Variants in ZSCAN5C observed in about 807,000 individuals in gnomAD.
The protein encoded by ZSCAN5C is zinc finger and SCAN domain-containing protein 5C.
Under a neutral mutation model 17.3 loss-of-function variants are expected in ZSCAN5C, and 11 were observed. The observed-to-expected ratio is 0.64, with a 90% CI of 0.40 to 1.06. The LOEUF (loss-of-function observed/expected upper bound fraction) is 1.06. Ranked by LOEUF, ZSCAN5C falls within the 50% of genes least tolerant of loss-of-function variation. ZSCAN5C has a pLI of 0.00. For missense variants in ZSCAN5C, 698 were observed against 538.9 expected (o/e 1.30, Z -2.92); for synonymous variants, 229 against 208.4 (o/e 1.10, Z -0.85).
chr19:56,205,398 C>A (rs2032909785), intron 1 of ZSCAN5C, among the ~76,000 whole-genome samples: 1 of 151,828 alleles, frequency 6.6e-6, no homozygotes, highest in South Asian at 2.1e-4. Context: ...TGTCTTATTG[C>A]ATAATTATGA....
chr19:56,203,417 T>C (rs1327302050), intron 1 of ZSCAN5C, among the ~76,000 whole-genome samples: 1 of 151,956 alleles, frequency 6.6e-6, no homozygotes, highest in African/African-American at 2.4e-5. Context: ...CCTTACTTTA[T>C]GGACTAATCA....
At chr19:56,205,155 C>A (rs780659929) in intron 1 of ZSCAN5C, among the ~76,000 whole-genome samples, 1 of 151,776 alleles carries the variant, frequency 6.6e-6, no homozygotes, top group African/African-American at 2.4e-5. Context: ...AGAAACTAGA[C>A]AGTGGTAATG....
At chr19:56,208,230 T>C in intron 4 of ZSCAN5C, 46 bp downstream of exon 4, 1 of 728,018 alleles carries the variant, frequency 1.4e-6, no homozygotes, top group Non-Finnish European at 2.5e-6. Context: ...CCCTCTCTTC[T>C]GGGGTGTGGG....
intron 3 of ZSCAN5C, 148 bp from the exon 4 acceptor site, chr19:56,207,886 C>T (rs1057427713): frequency 4.5e-5 from 27 of 598,596 alleles, no homozygotes; most frequent in Non-Finnish European, 6.2e-5. Context: ...GCTGGCACAG[C>T]GGGGAGAAAT....
In ZSCAN5C at chr19:56,205,825, C is replaced by T. The variant is rs28712522; in HGVS notation, c.-89C>T. The T allele has an allele frequency of 0.07, 43,244 of 620,034 alleles. 2,363 individuals carry two copies. Among genetic ancestry groups the T allele is most frequent in the East Asian group, 0.22 (8,242 of 37,782 alleles). 38.4% of individuals were successfully genotyped at this position (620,034 alleles called of 1,614,324 possible). A position where few individuals can be genotyped will look rare whatever the true frequency, so the allele number is the denominator to read the frequency against. On this transcript the variant is annotated 5_prime_UTR_variant, in exon 2 of 5. It introduces an in-frame stop codon into an upstream open reading frame of the 5' UTR. Transcript: ENST00000534327. ...CAGTGAATCTATTACTGAGAAAAAC[C>T]AGGGGTGGCCTGTGTATATAGGTCG... is the stretch of plus-strand genomic sequence containing the variant.
At chr19:56,207,742 G>T (rs2032939965) in intron 3 of ZSCAN5C, among the ~76,000 whole-genome samples, 1 of 151,720 alleles carries the variant, frequency 6.6e-6, no homozygotes. Context: ...GCATCTAGAG[G>T]GTGGAGGCGG....
chr19:56,208,467 A>T, exon 5 of ZSCAN5C: 1 of 1,403,740 alleles, frequency 7.1e-7, no homozygotes, highest in Non-Finnish European at 1.0e-6. Context: ...GTGGGAGCAA[A>T]GGAGGGGAAG....
chr19:56,203,640 A>ATTTT (rs564406569), intron 1 of ZSCAN5C, among the ~76,000 whole-genome samples: 28 of 86,798 alleles, frequency 3.2e-4, no homozygotes, highest in Non-Finnish European at 3.6e-4. Flanking sequence ...TCTACTGGGA[A>ATTTT]TTTTTTTTTT....
chr19:56,207,371 C>G (rs2032935146), intron 3 of ZSCAN5C, 109 bp downstream of exon 3: 1 of 606,026 alleles, frequency 1.7e-6, no homozygotes, highest in South Asian at 2.0e-5. Flanking sequence ...AGATTACAGC[C>G]ATTCCCCATG....
chr19:56,207,617 T>C (rs1428877346), intron 3 of ZSCAN5C, among the ~76,000 whole-genome samples: 1 of 151,884 alleles, frequency 6.6e-6, no homozygotes, highest in Non-Finnish European at 1.5e-5. Flanking sequence ...CTACAGATTG[T>C]CAATTTCTTA....
intron 1 of ZSCAN5C, among the ~76,000 whole-genome samples, chr19:56,202,858 A>C (rs1283157718): frequency 6.6e-6 from 1 of 151,992 alleles, no homozygotes; most frequent in Non-Finnish European, 1.5e-5. Context: ...CTGGCCACAC[A>C]CCACTTGTTA....
chr19:56,205,745 G>C (rs1407412666), intron 1 of ZSCAN5C, 42 bp from the exon 2 acceptor site: 2 of 578,114 alleles, frequency 3.5e-6, no homozygotes, highest in East Asian at 5.6e-5. Context: ...GGGGTGGGTA[G>C]AGTAGAAACT....
exon 5 of ZSCAN5C, chr19:56,209,068 A>G (rs763703186): frequency 9.4e-6 from 15 of 1,603,072 alleles, no homozygotes; most frequent in Non-Finnish European, 1.3e-5. Context: ...CCTACAAGGC[A>G]AATCTGAAGG....
At chr19:56,207,540 A>T (rs2032937548) in intron 3 of ZSCAN5C, among the ~76,000 whole-genome samples, 1 of 151,666 alleles carries the variant, frequency 6.6e-6, no homozygotes. Context: ...GAATGAACTG[A>T]AGGTCCCATC....
chr19:56,208,848 G>C, exon 5 of ZSCAN5C: 1 of 1,562,772 alleles, frequency 6.4e-7, no homozygotes. Flanking sequence ...TCACACACAG[G>C]CGAGAGACTC....
chr19:56,206,971 A>C (rs2032928186), intron 2 of ZSCAN5C, 88 bp from the exon 3 acceptor site: 6 of 639,752 alleles, frequency 9.4e-6, no homozygotes, highest in African/African-American at 1.8e-5. Flanking sequence ...ATTACAGTAA[A>C]GTGTGAGCAT....
chr19:56,205,967 T>C, exon 2 of ZSCAN5C: 1 of 1,502,672 alleles, frequency 6.7e-7, no homozygotes, highest in Non-Finnish European at 9.3e-7. Flanking sequence ...GCAACAGCCC[T>C]GGGTCAGAGC....
At position 56,208,080 on chromosome 19, in the gene ZSCAN5C, CA is replaced by C. The variant is rs1441241925; in HGVS notation, c.638del (p.Lys213ArgfsTer3). On this transcript the variant is annotated frameshift_variant, in exon 4 of 5. Coordinates refer to ENST00000534327, the Ensembl canonical transcript of ZSCAN5C. LOFTEE classifies it high-confidence loss of function. ...GAGACTACTGTCATGAAAGGTGACC[CA>C]AAGGCTCTGAGACCCAAGCCGACCT... 3 of 764,302 alleles carry C rather than the reference CA, an allele frequency of 3.9e-6. No individual in the cohort carries two copies. The Admixed American group carries it at 5.2e-5, about 13-fold the overall frequency. 47.3% of individuals were successfully genotyped at this position (764,302 alleles called of 1,614,324 possible). A position where few individuals can be genotyped will look rare whatever the true frequency, so the allele number is the denominator to read the frequency against.
chr19:56,209,280 A>G, downstream of ZSCAN5C: 1 of 606,424 alleles, frequency 1.6e-6, no homozygotes, highest in Non-Finnish European at 2.9e-6. Flanking sequence ...GACGTTTGAC[A>G]GATGAAGGGC....
Sources: gnomAD v4.1 joint callset for allele counts (sites outside exome capture counted in the v4.1 genomes callset) on GRCh38, gnomAD v4.1.1 for gene constraint, MANE v1.5 for transcripts, NCBI Gene and HGNC (gene_info 2026-07-23, HGNC 2026-07-21) for gene names.